The following CDH9 variants were observed in gnomAD, a reference collection of about 807,000 sequenced individuals.
The protein encoded by CDH9 is cadherin-9.
Under a neutral mutation model 70.9 loss-of-function variants are expected in CDH9, and 28 were observed. The ratio of observed to expected loss-of-function variants is 0.40; its 90% CI spans 0.29 to 0.54. The LOEUF is 0.54. CDH9 is among the 20% of genes least tolerant of loss of function. The pLI is 0.59. For missense variants in CDH9, 874 were observed against 984.4 expected, an observed-to-expected ratio of 0.89 and a Z score of 1.50; for synonymous variants, 409 against 343.1, an observed-to-expected ratio of 1.19 and a Z score of -2.12.
chr5:26,899,321 T>C (rs570242416), intron 7 of CDH9, among the ~76,000 whole-genome samples: 335 of 152,276 alleles, frequency 2.2e-3, no homozygotes, highest in African/African-American at 7.8e-3. Context: ...CACTACTGGG[T>C]ATATACCCCA....
At chr5:26,914,169 G>T (rs1168367921) in intron 3 of CDH9, among the ~76,000 whole-genome samples, 1 of 151,800 alleles carries the variant, frequency 6.6e-6, no homozygotes, top group Non-Finnish European at 1.5e-5. Context: ...AAGGATAAGT[G>T]AAAGTTTTAT....
intron 2 of CDH9, among the ~76,000 whole-genome samples, chr5:26,943,890 A>G (rs970166486): frequency 3.3e-5 from 5 of 152,356 alleles, no homozygotes; most frequent in African/African-American, 1.2e-4. Context: ...CTCAGTTTAT[A>G]TTATATAACA....
At chr5:27,029,095 T>C (rs1485038694) in intron 1 of CDH9, among the ~76,000 whole-genome samples, 1 of 152,024 alleles carries the variant, frequency 6.6e-6, no homozygotes, top group Non-Finnish European at 1.5e-5. Flanking sequence ...CATCTTATTT[T>C]AAAAGAGATA....
chr5:26,951,289 C>CA (rs1741839097), intron 2 of CDH9, among the ~76,000 whole-genome samples: 1 of 6,102 alleles, frequency 1.6e-4, no homozygotes, highest in Non-Finnish European at 5.6e-4. Context: ...AAGACTCTGT[C>CA]TCAAAAAAAA....
intron 1 of CDH9, 142 bp downstream of exon 1, chr5:27,038,321 T>A (rs1372137815): frequency 1.3e-5 from 2 of 151,598 alleles, no homozygotes; most frequent in Non-Finnish European, 2.9e-5. Flanking sequence ...TAAAATGTAT[T>A]CTTATGTGCT....
chr5:26,902,701 T>C lies in CDH9; in HGVS notation c.1028A>G (p.Tyr343Cys), dbSNP rs997592431. 5.1e-6 allele frequency: 8 copies of C among 1,563,924 alleles called. No individual in the cohort carries two copies. The highest frequency in any genetic ancestry group is 7.0e-6 in the Non-Finnish European group (8 of 1,135,594). ...GTTACTTGCATCCACTCTTAAAGTA[T>C]AGAGCATTTGATTTTCAAAATCTAA... ...QNLDFENQML[Y>C]TLRVDASNTH... is the part of the protein sequence containing the mutation. Residue 343 changes from tyrosine to cysteine, a missense_variant, in exon 7 of 12, where the codon TAT becomes TGT. By Grantham distance (194) the Tyr-to-Cys change is radical. Coordinates refer to ENST00000231021, the MANE Select transcript of CDH9 (RefSeq NM_016279.4).
intron 2 of CDH9, among the ~76,000 whole-genome samples, chr5:26,966,906 G>C (rs1742138519): frequency 6.6e-6 from 1 of 151,746 alleles, no homozygotes; most frequent in African/African-American, 2.4e-5. Flanking sequence ...TCTTCTCTCT[G>C]CTTTAAAAAA....
At chr5:26,971,712 G>GT (rs918173393) in intron 2 of CDH9, among the ~76,000 whole-genome samples, 2 of 152,064 alleles carry the variant, frequency 1.3e-5, no homozygotes, top group Non-Finnish European at 2.9e-5. Context: ...GATAGGAAAC[G>GT]TAAGGGGGTT....
At chr5:26,920,924 C>T (rs1046977781) in intron 2 of CDH9, among the ~76,000 whole-genome samples, 1 of 152,132 alleles carries the variant, frequency 6.6e-6, no homozygotes, top group Non-Finnish European at 1.5e-5. Flanking sequence ...GAAAAGACTA[C>T]AATAAATATC....
chr5:26,980,139 A>G (rs894437504), intron 2 of CDH9, among the ~76,000 whole-genome samples: 1 of 151,798 alleles, frequency 6.6e-6, no homozygotes, highest in African/African-American at 2.4e-5. Context: ...CTGTGGGAGA[A>G]TATTATTATA....
intron 2 of CDH9, among the ~76,000 whole-genome samples, chr5:26,969,944 T>G (rs1374523176): frequency 6.7e-6 from 1 of 149,720 alleles, no homozygotes; most frequent in African/African-American, 2.4e-5. Context: ...ATAATATATA[T>G]ACACACATAT....
At chr5:26,946,519 T>G (rs1741756636) in intron 2 of CDH9, among the ~76,000 whole-genome samples, 1 of 152,166 alleles carries the variant, frequency 6.6e-6, no homozygotes, top group Non-Finnish European at 1.5e-5. Context: ...CTATGTATAT[T>G]TGCTAGTAAG....
intron 2 of CDH9, among the ~76,000 whole-genome samples, chr5:26,968,709 T>G (rs1432669560): frequency 6.6e-6 from 1 of 152,160 alleles, no homozygotes; most frequent in African/African-American, 2.4e-5. Context: ...CATTTCAGTA[T>G]GGTTGGGGGG....
intron 2 of CDH9, among the ~76,000 whole-genome samples, chr5:26,975,233 C>T (rs1023220405): frequency 1.3e-5 from 2 of 152,022 alleles, no homozygotes; most frequent in Non-Finnish European, 2.9e-5. Context: ...AGATCTAGAC[C>T]GGAAGTGACT....
At chr5:26,926,704 G>A (rs1459848649) in intron 2 of CDH9, among the ~76,000 whole-genome samples, 3 of 151,948 alleles carry the variant, frequency 2.0e-5, no homozygotes, top group Non-Finnish European at 2.9e-5. Flanking sequence ...ATACTACAAG[G>A]CTACAGTAAC....
intron 9 of CDH9, among the ~76,000 whole-genome samples, chr5:26,889,224 CT>C: frequency 9.5e-6 from 1 of 104,758 alleles, no homozygotes; most frequent in Non-Finnish European, 2.0e-5. Flanking sequence ...TTGAAAAATA[CT>C]ACATTTTTTT....
At chr5:26,948,739 A>G (rs566520186) in intron 2 of CDH9, among the ~76,000 whole-genome samples, 1 of 152,310 alleles carries the variant, frequency 6.6e-6, no homozygotes, top group East Asian at 1.9e-4. Flanking sequence ...ATAGTCAGAG[A>G]AGTGTGTTAA....
At chr5:27,022,289 T>A (rs1475780008) in intron 1 of CDH9, among the ~76,000 whole-genome samples, 2 of 152,030 alleles carry the variant, frequency 1.3e-5, no homozygotes, top group African/African-American at 4.8e-5. Context: ...TTTTAAAGGA[T>A]CATTGGACCT....
intron 2 of CDH9, among the ~76,000 whole-genome samples, chr5:26,962,583 A>AT: frequency 6.6e-6 from 1 of 151,988 alleles, no homozygotes; most frequent in Admixed American, 6.6e-5. Context: ...GATGATGAGC[A>AT]TTTTTTTGTA....
Sources: allele counts gnomAD v4.1 joint callset (sites outside exome capture counted in the v4.1 genomes callset), GRCh38; gene constraint gnomAD v4.1.1; transcripts MANE v1.5; gene names NCBI Gene and HGNC (gene_info 2026-07-23, HGNC 2026-07-21).